Variants in POR observed in about 807,000 individuals in gnomAD.
The protein encoded by POR is NADPH--cytochrome P450 reductase.
Under a neutral mutation model 84.0 loss-of-function variants are expected in POR, and 56 were observed. The ratio of observed to expected loss-of-function variants is 0.67; its 90% CI spans 0.54 to 0.83. The LOEUF (loss-of-function observed/expected upper bound fraction) is 0.83. Ranked by LOEUF, POR falls within the 40% of genes least tolerant of loss-of-function variation. The pLI, the probability that POR is intolerant of heterozygous loss-of-function variation, is 0.00. For missense variants in POR, 938 were observed against 944.3 expected (o/e 0.99, Z 0.09); for synonymous variants, 414 against 400.5 (o/e 1.03, Z -0.40).
At chr7:75,964,112 G>A (rs1469701337) in intron 2 of POR, among the ~76,000 whole-genome samples, 1 of 151,436 alleles carries the variant, frequency 6.6e-6, no homozygotes. Flanking sequence ...TGATTCTCCT[G>A]CCTCAGCTTC....
At position 75,959,599 on chromosome 7, in the gene POR, G is replaced by A. The variant is rs150487577; in HGVS notation, c.188+5419G>A. Among the ~76,000 whole-genome samples the A allele has an allele frequency of 2.3e-3, 344 of 152,260 alleles. 3 individuals are homozygous for A. The highest frequency in any genetic ancestry group is 7.9e-3 in the African/African-American group (330 of 41,534). ...GCCTCCCAAGTTGCTGGGATTACAG[G>A]CACCCACCATGATGCCCGGCTAATT... On this transcript the variant is annotated intron_variant, in intron 2 of 15. Coordinates refer to ENST00000461988, the MANE Select transcript of POR (RefSeq NM_000941.3).
intron 1 of POR, among the ~76,000 whole-genome samples, chr7:75,949,497 G>GTTT (rs1352700844): frequency 1.3e-5 from 2 of 149,568 alleles, no homozygotes; most frequent in African/African-American, 4.9e-5. Flanking sequence ...ACATCTCAGG[G>GTTT]TTTGTTGTTG....
chr7:75,979,862 A>C, intron 4 of POR: 1 of 415,324 alleles, frequency 2.4e-6, no homozygotes, highest in South Asian at 2.7e-5. Flanking sequence ...CTCCCAAACC[A>C]AACCCACCCT....
intron 1 of POR, among the ~76,000 whole-genome samples, chr7:75,926,466 T>A (rs1807132545): frequency 6.6e-6 from 1 of 152,142 alleles, no homozygotes; most frequent in Non-Finnish European, 1.5e-5. Context: ...GACTCTGGTC[T>A]GGGAGATTCT....
intron 1 of POR, among the ~76,000 whole-genome samples, chr7:75,920,126 T>C (rs1237314830): frequency 2.2e-5 from 3 of 137,452 alleles, no homozygotes; most frequent in African/African-American, 8.7e-5. Context: ...AGTGCAGTGG[T>C]GTGATCTTGG....
chr7:75,983,703 C>A lies in POR; in HGVS notation c.948-35C>A, dbSNP rs1458055068. On this transcript the variant is annotated intron_variant, in intron 9 of 15. Coordinates refer to ENST00000461988, the MANE Select transcript of POR (RefSeq NM_000941.3). The stretch of plus-strand genomic sequence containing the variant: ...CCTCCTGACCTGGGGCAGGGCCAGC[C>A]TTCCGCCCCTCCCGAGCCTCACATC... 6 of 1,607,086 alleles carry A rather than the reference C, an allele frequency of 3.7e-6. No homozygotes were observed. The East Asian group carries it at 1.3e-4, about 36-fold the overall frequency.
chr7:75,980,716 A>C, intron 5 of POR: 1 of 1,515,524 alleles, frequency 6.6e-7, no homozygotes, highest in Non-Finnish European at 8.8e-7. Flanking sequence ...GGTGCTGGAG[A>C]CTAAAGGCAA....
Position 75,979,620 on chromosome 7 carries a change from G to C in POR, c.366+41G>C, listed in dbSNP as rs375031062. On this transcript the variant is annotated intron_variant, in intron 4 of 15. Coordinates refer to ENST00000461988, the MANE Select transcript of POR (RefSeq NM_000941.3). ...GTGCTGGCCCCAGATGGAGGCAGTG[G>C]GTAGGACAGGGAGCAGGTCTGTAGG... 5 of 1,607,956 alleles carry C rather than the reference G, an allele frequency of 3.1e-6. No individual in the cohort carries two copies. In the African/African-American group the frequency reaches 6.7e-5, roughly 21 times the overall value.
chr7:75,962,661 AT>A (rs1226829403), intron 2 of POR, among the ~76,000 whole-genome samples: 2 of 152,158 alleles, frequency 1.3e-5, no homozygotes, highest in Non-Finnish European at 2.9e-5. Context: ...GATGTATGTG[AT>A]TCTGTAATCA....
chr7:75,959,735 T>C (rs1554554238), intron 2 of POR, among the ~76,000 whole-genome samples: 1 of 152,148 alleles, frequency 6.6e-6, no homozygotes, highest in African/African-American at 2.4e-5. Context: ...GGATTACAGG[T>C]GTGAGCCACT....
intron 1 of POR, among the ~76,000 whole-genome samples, chr7:75,939,641 A>G (rs548787038): frequency 1.2e-4 from 17 of 144,528 alleles, no homozygotes; most frequent in East Asian, 6.1e-4. Flanking sequence ...GTCTCATTCT[A>G]TCGCCCAGGC....
chr7:75,962,674 T>C (rs1554554665), intron 2 of POR, among the ~76,000 whole-genome samples: 1 of 152,176 alleles, frequency 6.6e-6, no homozygotes, highest in African/African-American at 2.4e-5. Flanking sequence ...CTGTAATCAG[T>C]ATCATAATCG....
At position 75,980,321 on chromosome 7, in the gene POR, C is replaced by A; in HGVS notation, c.367-18C>A. On this transcript the variant is annotated intron_variant, in intron 4 of 15. Coordinates refer to ENST00000461988, the MANE Select transcript of POR (RefSeq NM_000941.3). ...GCTCAGTCATGGCCGGGGCGCGGTC[C>A]TGTCCCTGTTTCTGCAGGCCGACCT... 1 of 1,610,126 alleles carries A rather than the reference C, an allele frequency of 6.2e-7. No homozygotes were observed.
At chr7:75,978,382 A>AT (rs1409045159) in intron 3 of POR, among the ~76,000 whole-genome samples, 11 of 152,088 alleles carry the variant, frequency 7.2e-5, no homozygotes, top group Non-Finnish European at 1.3e-4. Context: ...CATAGCAACT[A>AT]TTTACAGAGA....
At chr7:75,986,272 CAGGGAGGACA>C in intron 15 of POR, 31 bp downstream of exon 15, 1 of 1,612,556 alleles carries the variant, frequency 6.2e-7, no homozygotes, top group Non-Finnish European at 8.5e-7. Context: ...GAATAGGGGG[CAGGGAGGACA>C]AGGCCCTGCC....
chr7:75,965,504 C>G (rs1788139209), intron 2 of POR, among the ~76,000 whole-genome samples: 1 of 152,126 alleles, frequency 6.6e-6, no homozygotes, highest in Non-Finnish European at 1.5e-5. Context: ...CCACCCCAGC[C>G]CACCCCTCCT....
At chr7:75,983,475 A>T (rs1789185854) in intron 8 of POR, 45 bp from the exon 9 acceptor site, 26 of 1,416,810 alleles carry the variant, frequency 1.8e-5, no homozygotes, top group Non-Finnish European at 2.6e-5. Flanking sequence ...GGAGACTCAG[A>T]TCAAAGCCCC....
At chr7:75,968,784 C>G (rs144702222) in intron 2 of POR, among the ~76,000 whole-genome samples, 15 of 152,352 alleles carry the variant, frequency 9.8e-5, no homozygotes, top group Non-Finnish European at 1.5e-4. Flanking sequence ...CACACCTTGT[C>G]CACTCTGACG....
At chr7:75,978,057 G>A (rs1788779459) in intron 3 of POR, among the ~76,000 whole-genome samples, 1 of 152,192 alleles carries the variant, frequency 6.6e-6, no homozygotes, top group African/African-American at 2.4e-5. Context: ...ACCTTTCCCT[G>A]TTGTAAAATT....
Sources: allele counts gnomAD v4.1 joint callset (sites outside exome capture counted in the v4.1 genomes callset), GRCh38; gene constraint gnomAD v4.1.1; transcripts MANE v1.5; gene names NCBI Gene and HGNC (gene_info 2026-07-23, HGNC 2026-07-21).